The following STAT4 variants were observed in gnomAD, a reference collection of about 807,000 sequenced individuals.
The protein encoded by STAT4 is signal transducer and activator of transcription 4.
A neutral mutation model predicts 110.5 loss-of-function variants in STAT4; 42 were observed. That is an observed-to-expected ratio of 0.38 (90% confidence interval 0.30 to 0.49). The LOEUF (loss-of-function observed/expected upper bound fraction) is 0.49, where lower values mean the gene tolerates loss of function less well. Ranked by LOEUF, STAT4 falls within the 20% of genes least tolerant of loss-of-function variation. The pLI is 0.95. For synonymous variants in STAT4, 284 were observed against 302.2 expected (o/e 0.94, Z 0.63); for missense variants, 632 against 887.9 (o/e 0.71, Z 3.66).
At position 191,029,830 on chromosome 2, in the gene STAT4, G is replaced by GTT. The variant is rs1204145559; in HGVS notation, c.*8_*9dup. On this transcript the variant is annotated 3_prime_UTR_variant, in exon 24 of 24. Coordinates refer to ENST00000392320, the MANE Select transcript of STAT4 (RefSeq NM_003151.4). This position sits in a 1 kb window ranked among gnomAD's most constrained non-coding sequence, Gnocchi z 4.5. ...TTGCTTCCTTTCTTGGTGCGTCAGA[G>GTT]TTTATCCTGTCATTCAGCAGAATAA... is the stretch of plus-strand genomic sequence containing the variant. 4 of 1,600,928 alleles carry GTT rather than the reference G, an allele frequency of 2.5e-6. No homozygotes were observed. Among genetic ancestry groups the GTT allele is most frequent in the Non-Finnish European group, 3.4e-6 (4 of 1,175,230 alleles).
intron 3 of STAT4, among the ~76,000 whole-genome samples, chr2:191,108,228 T>C (rs990204186): frequency 1.3e-5 from 2 of 151,480 alleles, no homozygotes; most frequent in Non-Finnish European, 2.9e-5. Context: ...GAGGTAGAGG[T>C]TACAGTGAGC....
chr2:191,128,263 T>C (rs6719707), intron 3 of STAT4, among the ~76,000 whole-genome samples: 97,878 of 152,044 alleles, frequency 0.64, 31,862 homozygotes, highest in South Asian at 0.78. Context: ...GATCCCTCAA[T>C]TGAGAACTCC....
At chr2:191,129,112 A>C (rs892804051) in intron 3 of STAT4, among the ~76,000 whole-genome samples, 1 of 152,234 alleles carries the variant, frequency 6.6e-6, no homozygotes, top group African/African-American at 2.4e-5. Flanking sequence ...TGCTGACTAA[A>C]TAAAATTTGC....
In STAT4 at chr2:191,053,483, A is replaced by G. The variant is rs558346905; in HGVS notation, c.1251+1007T>C. 7.2e-5 allele frequency among the ~76,000 whole-genome samples: 11 copies of G among 152,350 alleles called. No individual in the cohort carries two copies. The Middle Eastern group carries it at 0.02, about 283-fold the overall frequency. Reference sequence around the variant, plus strand: ...ATGCCTTAGTTTCGAGGTCAGCTCAATAGATGTTCTCCAAGGTCATGTCCA... The same window carrying G: ...ATGCCTTAGTTTCGAGGTCAGCTCAGTAGATGTTCTCCAAGGTCATGTCCA... On this transcript the variant is annotated intron_variant, in intron 14 of 23. Transcript: ENST00000392320. The surrounding 1 kb of genome is among the most constrained non-coding windows in gnomAD (Gnocchi z 4.5).
intron 13 of STAT4, among the ~76,000 whole-genome samples, chr2:191,057,581 C>CTTTTTTTTTTTTTTTTTTTT (rs56816363): frequency 1.6e-5 from 2 of 121,328 alleles, no homozygotes; most frequent in African/African-American, 3.0e-5. Flanking sequence ...AATTTCTTTT[C>CTTTTTTTTTTTTTTTTTTTT]TTTTTTTTTT....
At chr2:191,102,126 AAT>A (rs1392581078) in intron 3 of STAT4, among the ~76,000 whole-genome samples, 2 of 151,602 alleles carry the variant, frequency 1.3e-5, no homozygotes, top group African/African-American at 4.8e-5. Context: ...CAATTTTTTG[AAT>A]TTTGGCAATC....
At position 191,140,552 on chromosome 2, in the gene STAT4, C is replaced by T. The variant is rs538016514; in HGVS notation, c.273+6061G>A. Among the ~76,000 whole-genome samples the T allele has an allele frequency of 1.1e-3, 164 of 152,320 alleles. No individual in the cohort carries two copies. The highest frequency in any genetic ancestry group is 1.7e-3 in the South Asian group (8 of 4,826). The stretch of plus-strand genomic sequence containing the variant: ...AAAACCACAATGAGATACCACCTTA[C>T]TCCTGCGAGAATGGCCATAATGAAA... On this transcript the variant is annotated intron_variant, in intron 3 of 23. Coordinates refer to ENST00000392320, the MANE Select transcript of STAT4 (RefSeq NM_003151.4). This position sits in a 1 kb window ranked among gnomAD's most constrained non-coding sequence, Gnocchi z 4.4.
rs1206716158 is a variant in STAT4 at position 191,142,908 on chromosome 2, C to A, written c.273+3705G>T. ...TGATATTGTAATGGTAGATATATGA[C>A]ATTATGCATTGTCAAAACCCATAAA... On this transcript the variant is annotated intron_variant, in intron 3 of 23. Coordinates refer to ENST00000392320, the MANE Select transcript of STAT4 (RefSeq NM_003151.4). The surrounding 1 kb of genome is among the most constrained non-coding windows in gnomAD (Gnocchi z 4.1). Among the ~76,000 whole-genome samples the A allele has an allele frequency of 6.6e-6, 1 of 152,062 alleles. No individual in the cohort carries two copies. Among genetic ancestry groups the A allele is most frequent in the Admixed American group, 6.6e-5 (1 of 15,260 alleles).
At chr2:191,065,686 T>TA (rs1696968941) in intron 7 of STAT4, among the ~76,000 whole-genome samples, 1 of 152,166 alleles carries the variant, frequency 6.6e-6, no homozygotes, top group African/African-American at 2.4e-5. Context: ...CTTGCATACT[T>TA]AAAATCTGAT....
chr2:191,051,453 G>A lies in STAT4; in HGVS notation c.1251+3037C>T, dbSNP rs1696519874. 6.6e-6 allele frequency among the ~76,000 whole-genome samples: 1 copy of A among 152,190 alleles called. No individual in the cohort carries two copies. Among genetic ancestry groups the A allele is most frequent in the Admixed American group, 6.5e-5 (1 of 15,284 alleles). On this transcript the variant is annotated intron_variant, in intron 14 of 23. Coordinates refer to ENST00000392320, the MANE Select transcript of STAT4 (RefSeq NM_003151.4). The surrounding 1 kb of genome is among the most constrained non-coding windows in gnomAD (Gnocchi z 5.6). The stretch of plus-strand genomic sequence containing the variant: ...CACCATTTTGTAGATAAGGAAATTG[G>A]GAGTTAGAGAGGCTAAGTGGCTTGT...
At position 191,062,042 on chromosome 2, in the gene STAT4, C is replaced by T. The variant is rs1465499213; in HGVS notation, c.942-221G>A. Among the ~76,000 whole-genome samples the T allele has an allele frequency of 6.6e-6, 1 of 152,058 alleles. No individual in the cohort carries two copies. The highest frequency in any genetic ancestry group is 6.6e-5 in the Admixed American group (1 of 15,252). On this transcript the variant is annotated intron_variant, in intron 9 of 23. Transcript: ENST00000392320. This position sits in a 1 kb window ranked among gnomAD's most constrained non-coding sequence, Gnocchi z 4.9. The stretch of plus-strand genomic sequence containing the variant: ...GTTATAATTGAGTCATGAATAAAAG[C>T]CCCAGTCCATTTAGTAATTTTTTTT...
Position 191,073,078 on chromosome 2 carries a change from A to G in STAT4, c.465+20T>C, listed in dbSNP as rs1697212206. 2 of 1,602,130 alleles carry G rather than the reference A, an allele frequency of 1.2e-6. No individual in the cohort carries two copies. The highest frequency in any genetic ancestry group is 1.7e-5 in the Admixed American group (1 of 59,904). On this transcript the variant is annotated intron_variant, in intron 5 of 23. Coordinates refer to ENST00000392320, the MANE Select transcript of STAT4 (RefSeq NM_003151.4). ...GGGACAGTATCTAGACTTTCTAGGT[A>G]TCTGTATAAAAGCACTTACCTGCAC...
At chr2:191,049,680 T>C (rs1255677143) in intron 14 of STAT4, among the ~76,000 whole-genome samples, 2 of 152,186 alleles carry the variant, frequency 1.3e-5, no homozygotes, top group Non-Finnish European at 2.9e-5. Context: ...ATCTATTATG[T>C]GCTAGACAGT....
At chr2:191,151,554 C>G, upstream of STAT4, 2 of 985,566 alleles carry the variant, frequency 2.0e-6, no homozygotes, top group Non-Finnish European at 2.4e-6. This position sits in a 1 kb window ranked among gnomAD's most constrained non-coding sequence, Gnocchi z 4.7. Context: ...CTTGCCCTTC[C>G]TGACCTAGCC....
chr2:191,054,357 C>A lies in STAT4; in HGVS notation c.1251+133G>T. ...ACTTCCTCATATTGTCTGCAATTAT[C>A]AAGCTTTACATCTATAATGAGAAAA... On this transcript the variant is annotated intron_variant, in intron 14 of 23. Coordinates refer to ENST00000392320, the MANE Select transcript of STAT4 (RefSeq NM_003151.4). The A allele has an allele frequency of 4.2e-6, 3 of 718,992 alleles. No individual in the cohort carries two copies. The South Asian group carries it at 6.6e-5, about 16-fold the overall frequency. 44.5% of individuals were successfully genotyped at this position (718,992 alleles called of 1,614,324 possible).
chr2:191,049,190 TGAGA>T (rs1696447268), intron 14 of STAT4, among the ~76,000 whole-genome samples: 3 of 141,674 alleles, frequency 2.1e-5, no homozygotes, highest in Non-Finnish European at 4.7e-5. Flanking sequence ...TTTTTTTTTT[TGAGA>T]GATGGAGTCT....
At chr2:191,038,033 T>C (rs113079962) in intron 16 of STAT4, among the ~76,000 whole-genome samples, 60 of 152,326 alleles carry the variant, frequency 3.9e-4, no homozygotes, top group African/African-American at 1.4e-3. Flanking sequence ...ACGACTTTGG[T>C]GCCTTTCTTA....
At chr2:191,106,663 A>G (rs1698291115) in intron 3 of STAT4, among the ~76,000 whole-genome samples, 1 of 118,998 alleles carries the variant, frequency 8.4e-6, no homozygotes, top group Admixed American at 1.1e-4. Context: ...AAAATAAAAT[A>G]AAATAAAATA....
chr2:191,101,200 T>G (rs1414176926), intron 3 of STAT4, among the ~76,000 whole-genome samples: 1 of 152,154 alleles, frequency 6.6e-6, no homozygotes, highest in Admixed American at 6.6e-5. Flanking sequence ...CTAAGATTGA[T>G]AAAAATAACT....
Sources: allele counts gnomAD v4.1 joint callset (sites outside exome capture counted in the v4.1 genomes callset), GRCh38; gene constraint gnomAD v4.1.1; non-coding constraint Gnocchi (gnomAD v3.1); transcripts MANE v1.5; gene names NCBI Gene and HGNC (gene_info 2026-07-23, HGNC 2026-07-21).